TBCE: variants seen among roughly 807,000 people sequenced by gnomAD.
The protein encoded by TBCE is tubulin folding cofactor E.
In TBCE, 53 loss-of-function variants were observed where a neutral mutation model predicts 77.0. That is an observed-to-expected ratio of 0.69 (90% CI 0.55 to 0.87). The LOEUF (loss-of-function observed/expected upper bound fraction) is 0.87. Ranked by LOEUF, TBCE falls within the 40% of genes least tolerant of loss-of-function variation. The pLI is 0.00. For synonymous variants in TBCE, 235 were observed against 241.3 expected (o/e 0.97, Z 0.24); for missense variants, 624 against 622.4 (o/e 1.00, Z -0.03).
rs774159524 is a variant in TBCE at position 235,437,311 on chromosome 1, CTG to C, written c.964-7_964-6del. The C allele has an allele frequency of 3.7e-6, 6 of 1,613,928 alleles. No individual in the cohort carries two copies. Among genetic ancestry groups the C allele is most frequent in the African/African-American group, 1.3e-5 (1 of 75,010 alleles). On this transcript the variant is annotated splice_polypyrimidine_tract_variant and intron_variant, in intron 11 of 16. Coordinates refer to ENST00000642610, the MANE Select transcript of TBCE (RefSeq NM_003193.5). The stretch of plus-strand genomic sequence containing the variant: ...ACCGCTTTTCATTTATTTCCTTTTG[CTG>C]TGTTTCAGTGGTCGTTTTTCAATGA...
At chr1:235,400,534 G>A (rs1679036193) in intron 2 of TBCE, among the ~76,000 whole-genome samples, 1 of 149,948 alleles carries the variant, frequency 6.7e-6, no homozygotes, top group South Asian at 2.1e-4. Flanking sequence ...CGGAGTAGCT[G>A]GGGCTATAGG....
At chr1:235,406,991 C>T (rs562974627) in intron 3 of TBCE, among the ~76,000 whole-genome samples, 1 of 151,834 alleles carries the variant, frequency 6.6e-6, no homozygotes. Flanking sequence ...AGTGCCACCA[C>T]GCCTGGCTAA....
intron 5 of TBCE, 152 bp downstream of exon 5, chr1:235,419,713 A>T: frequency 9.4e-7 from 1 of 1,069,446 alleles, no homozygotes; most frequent in Middle Eastern, 2.7e-4. Context: ...GCCCAGATAA[A>T]TTATTTACCT....
At chr1:235,381,672 G>A (rs368472641) in intron 2 of TBCE, among the ~76,000 whole-genome samples, 1,106 of 106,962 alleles carry the variant, frequency 0.01, 6 homozygotes, top group Non-Finnish European at 0.015. Context: ...GCGACAGAGC[G>A]AGACTCCTTC....
chr1:235,405,105 G>A (rs1402543224), intron 3 of TBCE, among the ~76,000 whole-genome samples: 2 of 151,810 alleles, frequency 1.3e-5, no homozygotes, highest in Admixed American at 6.6e-5. Flanking sequence ...TGGGACTACA[G>A]GCGCATGTCA....
At chr1:235,438,247 C>T (rs544172366) in intron 12 of TBCE, among the ~76,000 whole-genome samples, 5 of 152,214 alleles carry the variant, frequency 3.3e-5, no homozygotes, top group East Asian at 1.9e-4. Flanking sequence ...CGCAAGTACT[C>T]GCATGAATTA....
intron 2 of TBCE, 51 bp from the exon 3 acceptor site, chr1:235,401,452 C>A: frequency 6.7e-7 from 1 of 1,488,840 alleles, no homozygotes; most frequent in Non-Finnish European, 9.4e-7. Flanking sequence ...AAAACTGGAG[C>A]ATTGCCTGTA....
At chr1:235,388,432 G>T (rs1313367903) in intron 2 of TBCE, among the ~76,000 whole-genome samples, 8 of 151,760 alleles carry the variant, frequency 5.3e-5, no homozygotes, top group Non-Finnish European at 1.2e-4. Flanking sequence ...GGGATTACGG[G>T]GACCCACCAC....
intron 5 of TBCE, among the ~76,000 whole-genome samples, chr1:235,420,280 G>A (rs1466363962): frequency 6.6e-6 from 1 of 151,898 alleles, no homozygotes; most frequent in Non-Finnish European, 1.5e-5. Flanking sequence ...AACCTAAGAT[G>A]AATCTGCTTC....
chr1:235,389,195 T>C (rs138650830), intron 2 of TBCE, among the ~76,000 whole-genome samples: 1 of 152,370 alleles, frequency 6.6e-6, no homozygotes, highest in East Asian at 1.9e-4. Flanking sequence ...GTTTTTAATT[T>C]ATTTAAATTT....
intron 12 of TBCE, 122 bp downstream of exon 12, chr1:235,437,596 C>A: frequency 8.4e-7 from 1 of 1,188,584 alleles, no homozygotes; most frequent in South Asian, 1.3e-5. Flanking sequence ...CTGATCGCTG[C>A]AGTCCAGGAG....
intron 2 of TBCE, among the ~76,000 whole-genome samples, chr1:235,394,507 C>G (rs548489887): frequency 8.0e-6 from 1 of 125,306 alleles, no homozygotes; most frequent in Admixed American, 1.0e-4. Context: ...CTCACTGTAA[C>G]TATAGCTTCT....
intron 1 of TBCE, among the ~76,000 whole-genome samples, chr1:235,377,273 G>T (rs531863159): frequency 1.3e-5 from 2 of 152,160 alleles, no homozygotes; most frequent in African/African-American, 4.8e-5. Context: ...TCTGCCTCCC[G>T]CATTCAAGTG....
intron 14 of TBCE, among the ~76,000 whole-genome samples, 181 bp from the exon 15 acceptor site, chr1:235,442,671 G>A (rs1321294720): frequency 6.6e-6 from 1 of 152,144 alleles, no homozygotes; most frequent in Non-Finnish European, 1.5e-5. Context: ...GTATTGTCCA[G>A]CTATTTCTGT....
intron 5 of TBCE, among the ~76,000 whole-genome samples, chr1:235,424,229 A>G (rs539372540): frequency 6.6e-6 from 1 of 152,134 alleles, no homozygotes; most frequent in East Asian, 1.9e-4. Context: ...CAACCCAGCA[A>G]TCAGCATAGT....
chr1:235,441,743 T>A, intron 13 of TBCE, 71 bp from the exon 14 acceptor site: 1 of 1,413,346 alleles, frequency 7.1e-7, no homozygotes, highest in Non-Finnish European at 1.0e-6. Context: ...ATCCTTTGTT[T>A]GTTTGTTTGT....
At chr1:235,423,680 C>T (rs1306565173) in intron 5 of TBCE, 1 of 152,786 alleles carries the variant, frequency 6.5e-6, no homozygotes, top group African/African-American at 2.4e-5. Context: ...GCGAGGGGAC[C>T]TGGAGGGTGT....
intron 1 of TBCE, among the ~76,000 whole-genome samples, chr1:235,369,043 CT>C (rs1405622344): frequency 6.6e-6 from 1 of 152,088 alleles, no homozygotes; most frequent in African/African-American, 2.4e-5. Context: ...TTGTTATCAC[CT>C]TCACTTGTTC....
Position 235,450,000 on chromosome 1 carries a change from C to A in TBCE, c.*1238C>A. ...TAATCTTCCAATAGATAAATAAAAACTTTTCTTATGCTACAGTACAAGTTG... is the reference window on the plus strand; with the variant it reads ...TAATCTTCCAATAGATAAATAAAAAATTTTCTTATGCTACAGTACAAGTTG... On this transcript the variant is annotated 3_prime_UTR_variant, in exon 17 of 17. Coordinates refer to ENST00000642610, the MANE Select transcript of TBCE (RefSeq NM_003193.5). 2.3e-6 allele frequency: 1 copy of A among 440,870 alleles called. No individual in the cohort carries two copies. Among genetic ancestry groups the A allele is most frequent in the Non-Finnish European group, 3.9e-6 (1 of 258,754 alleles). The allele number at this position is 440,870 out of a possible 1,614,324, so 27.3% of individuals were successfully genotyped here. A position where few individuals can be genotyped will look rare whatever the true frequency, so the allele number is the denominator to read the frequency against.
Sources: gnomAD v4.1 joint callset for allele counts (sites outside exome capture counted in the v4.1 genomes callset) on GRCh38, gnomAD v4.1.1 for gene constraint, MANE v1.5 for transcripts, NCBI Gene and HGNC (gene_info 2026-07-23, HGNC 2026-07-21) for gene names.